TANK: variants seen among roughly 807,000 people sequenced by gnomAD.
TANK encodes the protein TRAF family member associated NFKB activator.
TANK carries 15 observed loss-of-function variants against 43.6 expected under a neutral mutation model. That is an observed-to-expected ratio of 0.34 (90% CI 0.23 to 0.53). The LOEUF (loss-of-function observed/expected upper bound fraction) is 0.53, where lower values mean the gene tolerates loss of function less well. Ranked by LOEUF, TANK falls within the 20% of genes least tolerant of loss-of-function variation. The pLI is 0.94. For synonymous variants in TANK, 162 were observed against 178.2 expected (o/e 0.91, Z 0.73); for missense variants, 417 against 498.6 (o/e 0.84, Z 1.56).
intron 2 of TANK, among the ~76,000 whole-genome samples, chr2:161,184,982 T>A (rs1343692412): frequency 6.6e-6 from 1 of 152,088 alleles, no homozygotes; most frequent in Non-Finnish European, 1.5e-5. Flanking sequence ...GAAAGAATAT[T>A]TGAAGGACAG....
chr2:161,224,374 G>A (rs1441080944), intron 5 of TANK, among the ~76,000 whole-genome samples: 1 of 151,976 alleles, frequency 6.6e-6, no homozygotes, highest in East Asian at 1.9e-4. Flanking sequence ...GCCAACATTA[G>A]TGTATATATG....
Position 161,179,725 on chromosome 2 carries a change from G to C in TANK, c.63G>C (p.Met21Ile). ...KAYEAFRQAC[M>I]DRDSAVKELQ... ...ATGAAGCCTTCCGGCAGGCATGCAT[G>C]GATAGAGATTCTGCAGTAAAAGAAT... is the stretch of plus-strand genomic sequence containing the variant. Residue 21 changes from methionine (M) to isoleucine (I), a missense_variant, in exon 2 of 8, where the codon ATG (methionine) becomes ATC (isoleucine). Met to Ile is a conservative substitution (Grantham distance 10). Transcript: ENST00000392749. The C allele has an allele frequency of 6.2e-7, 1 of 1,612,442 alleles. No homozygotes were observed. Among genetic ancestry groups the C allele is most frequent in the Non-Finnish European group, 8.5e-7 (1 of 1,179,108 alleles).
At chr2:161,218,852 A>T (rs1687227867) in intron 4 of TANK, among the ~76,000 whole-genome samples, 1 of 152,118 alleles carries the variant, frequency 6.6e-6, no homozygotes, top group African/African-American at 2.4e-5. Context: ...TGTGTTGCCC[A>T]GGCTGGTTTC....
chr2:161,197,220 A>G lies in TANK; in HGVS notation c.100-6267A>G, dbSNP rs59641942. 178 of 152,334 alleles carry G rather than the reference A, an allele frequency of 1.2e-3. 1 individual carries two copies. Among genetic ancestry groups the G allele is most frequent in the African/African-American group, 4.0e-3 (168 of 41,570 alleles). The allele number at this position is 152,334 out of a possible 1,614,324, so 9.4% of individuals were successfully genotyped here. A position where few individuals can be genotyped will look rare whatever the true frequency, so the allele number is the denominator to read the frequency against. On this transcript the variant is annotated intron_variant, in intron 2 of 7. Coordinates refer to ENST00000392749, the MANE Select transcript of TANK (RefSeq NM_001199135.3). ...ATTTTGTTATTTGAATTTTTCAACAAATGTGCGATTTTTATAACTATAGCC... is the reference window on the plus strand; with the variant it reads ...ATTTTGTTATTTGAATTTTTCAACAGATGTGCGATTTTTATAACTATAGCC...
intron 6 of TANK, among the ~76,000 whole-genome samples, chr2:161,228,457 G>A (rs1042291855): frequency 6.6e-6 from 1 of 152,194 alleles, no homozygotes; most frequent in African/African-American, 2.4e-5. Context: ...CTTGAACCTG[G>A]GAGGCAGAGG....
Position 161,181,287 on chromosome 2 carries a change from GC to G in TANK, c.99+1527del, listed in dbSNP as rs764555581. On this transcript the variant is annotated intron_variant, in intron 2 of 7. Transcript: ENST00000392749. ...AATACAAAATTAGCCAGGCATGGTG[GC>G]ACATGCCTTTAATCCCAGCTACTTG... Among the ~76,000 whole-genome samples, 4 of 152,280 alleles carry G rather than the reference GC, an allele frequency of 2.6e-5. No homozygotes were observed. In the South Asian group the frequency reaches 8.3e-4, roughly 32 times the overall value.
chr2:161,217,585 T>TTGTG (rs375688309), intron 4 of TANK, among the ~76,000 whole-genome samples: 25,524 of 136,418 alleles, frequency 0.19, 2,333 homozygotes, highest in Middle Eastern at 0.23. Flanking sequence ...GGTAGTTGGT[T>TTGTG]TGTGTGTGTG....
At chr2:161,212,133 T>C (rs1191098464) in intron 4 of TANK, 1 of 400,360 alleles carries the variant, frequency 2.5e-6, no homozygotes, top group Admixed American at 6.5e-5. Flanking sequence ...CCATCTCGGC[T>C]CACTGCAACC....
intron 2 of TANK, among the ~76,000 whole-genome samples, chr2:161,185,327 C>T (rs1685607274): frequency 6.6e-6 from 1 of 151,860 alleles, no homozygotes; most frequent in East Asian, 1.9e-4. Flanking sequence ...AGGTTACTGA[C>T]ATTTATGAAG....
At chr2:161,170,257 A>G (rs1353291255) in intron 1 of TANK, among the ~76,000 whole-genome samples, 1 of 152,218 alleles carries the variant, frequency 6.6e-6, no homozygotes. Flanking sequence ...CAAGAACTTC[A>G]ACAAATGCCA....
chr2:161,137,066 A>T, intron 1 of TANK: 1 of 985,446 alleles, frequency 1.0e-6, no homozygotes, highest in Non-Finnish European at 1.2e-6. Flanking sequence ...GAGAAGAGGT[A>T]ATCTAATTTC....
chr2:161,185,074 C>T (rs987754747), intron 2 of TANK, among the ~76,000 whole-genome samples: 8 of 152,002 alleles, frequency 5.3e-5, no homozygotes, highest in Admixed American at 3.9e-4. Flanking sequence ...CAATTTGAGA[C>T]GCATAGGAAG....
At chr2:161,217,585 T>TTGTGTGTGTG (rs375688309) in intron 4 of TANK, among the ~76,000 whole-genome samples, 283 of 136,640 alleles carry the variant, frequency 2.1e-3, no homozygotes, top group East Asian at 6.8e-3. Context: ...GGTAGTTGGT[T>TTGTGTGTGTG]TGTGTGTGTG....
intron 4 of TANK, among the ~76,000 whole-genome samples, chr2:161,205,373 A>G (rs1210556071): frequency 1.3e-5 from 2 of 151,908 alleles, no homozygotes; most frequent in Non-Finnish European, 2.9e-5. Context: ...ATGTACATAT[A>G]TGTGTGTGTG....
chr2:161,195,232 A>G (rs1686092964), intron 2 of TANK, among the ~76,000 whole-genome samples: 1 of 152,224 alleles, frequency 6.6e-6, no homozygotes, highest in African/African-American at 2.4e-5. Context: ...TAAATCTACA[A>G]TGATAAGCAA....
At chr2:161,203,444 G>A in intron 2 of TANK, 43 bp from the exon 3 acceptor site, 1 of 1,290,296 alleles carries the variant, frequency 7.8e-7, no homozygotes, top group Non-Finnish European at 1.1e-6. Context: ...ATATGTTCAT[G>A]TCTATCAGTG....
At chr2:161,193,189 A>T (rs772214571) in intron 2 of TANK, among the ~76,000 whole-genome samples, 1 of 152,220 alleles carries the variant, frequency 6.6e-6, no homozygotes, top group Non-Finnish European at 1.5e-5. Flanking sequence ...ATTTCTTGGC[A>T]TGTGTAAGCA....
At chr2:161,201,385 G>A in intron 2 of TANK, 2 of 607,272 alleles carry the variant, frequency 3.3e-6, no homozygotes, top group Non-Finnish European at 4.1e-6. Flanking sequence ...GAAGCTTTCT[G>A]AGTTGGTTTC....
intron 2 of TANK, among the ~76,000 whole-genome samples, chr2:161,199,653 G>C (rs1485262923): frequency 6.6e-6 from 1 of 152,190 alleles, no homozygotes; most frequent in Non-Finnish European, 1.5e-5. Flanking sequence ...TCATAATCCA[G>C]AGTATGGGCA....
Sources: allele counts gnomAD v4.1 joint callset (sites outside exome capture counted in the v4.1 genomes callset), GRCh38; gene constraint gnomAD v4.1.1; transcripts MANE v1.5; gene names NCBI Gene and HGNC (gene_info 2026-07-23, HGNC 2026-07-21).